BRD10: variants seen among roughly 807,000 people sequenced by gnomAD.
The protein encoded by BRD10 is bromodomain containing 10, also known as uncharacterized bromodomain-containing protein 10.
the BRD10 span, among the ~76,000 whole-genome samples, chr9:5,946,435 G>A: frequency 2.6e-5 from 4 of 151,992 alleles, no homozygotes; most frequent in Admixed American, 6.6e-5. Flanking sequence ...AATGCTGATG[G>A]TCAAGCAGTG....
chr9:6,003,009 T>A, the BRD10 span, among the ~76,000 whole-genome samples: 3 of 152,100 alleles, frequency 2.0e-5, no homozygotes, highest in Non-Finnish European at 4.4e-5. Flanking sequence ...CTTACCCCAA[T>A]CCAAAAAATA....
chr9:5,943,840 A>C, the BRD10 span, among the ~76,000 whole-genome samples: 6 of 152,244 alleles, frequency 3.9e-5, no homozygotes, highest in East Asian at 1.2e-3. Flanking sequence ...TTACCATGAT[A>C]CTCTCAGGGT....
chr9:5,949,610 T>C, the BRD10 span, among the ~76,000 whole-genome samples: 189 of 152,280 alleles, frequency 1.2e-3, no homozygotes, highest in Non-Finnish European at 2.0e-3. Flanking sequence ...AAATCAATCA[T>C]GCATATGAAA....
chr9:5,995,265 T>C, the BRD10 span, among the ~76,000 whole-genome samples: 1 of 152,206 alleles, frequency 6.6e-6, no homozygotes, highest in East Asian at 1.9e-4. Context: ...CCATAACTTA[T>C]TTCAGAGAAA....
chr9:5,955,791 T>A, the BRD10 span, among the ~76,000 whole-genome samples: 1 of 152,204 alleles, frequency 6.6e-6, no homozygotes, highest in Admixed American at 6.5e-5. Context: ...CAGTACCTTA[T>A]AACAGAAGTA....
At chr9:5,883,284 C>G in the BRD10 span, among the ~76,000 whole-genome samples, 1 of 152,182 alleles carries the variant, frequency 6.6e-6, no homozygotes, top group African/African-American at 2.4e-5. Flanking sequence ...TTTGGAGAAC[C>G]TCTCTCTGTG....
the BRD10 span, among the ~76,000 whole-genome samples, chr9:5,914,425 T>G: frequency 8.5e-6 from 1 of 117,918 alleles, no homozygotes; most frequent in African/African-American, 3.4e-5. Flanking sequence ...TTTTTTTTTT[T>G]TTTTTTTTTT....
At chr9:5,922,915 G>A in the BRD10 span, 5 of 1,613,970 alleles carry the variant, frequency 3.1e-6, no homozygotes, top group Non-Finnish European at 3.4e-6. Context: ...TTCTACCTGT[G>A]GAAGGAGGCA....
At chr9:5,981,813 A>G in the BRD10 span, among the ~76,000 whole-genome samples, 2 of 152,226 alleles carry the variant, frequency 1.3e-5, no homozygotes, top group Non-Finnish European at 2.9e-5. Flanking sequence ...CATAGTTATT[A>G]TATAAGGCTT....
chr9:5,987,669 C>T, the BRD10 span, among the ~76,000 whole-genome samples: 2 of 152,104 alleles, frequency 1.3e-5, no homozygotes, highest in African/African-American at 4.8e-5. Context: ...TGCCTCTGAC[C>T]AGCATTAACA....
the BRD10 span, among the ~76,000 whole-genome samples, chr9:5,952,738 T>C: frequency 1.3e-5 from 2 of 152,162 alleles, no homozygotes; most frequent in South Asian, 2.1e-4. Flanking sequence ...GGCTGATGCT[T>C]TGAGGACTGA....
chr9:5,968,997 G>T, the BRD10 span: 1 of 1,609,566 alleles, frequency 6.2e-7, no homozygotes, highest in South Asian at 1.1e-5. Flanking sequence ...TCTTCCAATG[G>T]ATTAACTTCT....
the BRD10 span, among the ~76,000 whole-genome samples, chr9:5,898,709 G>C: frequency 1.3e-5 from 2 of 152,130 alleles, no homozygotes; most frequent in Admixed American, 1.3e-4. Flanking sequence ...TGCTGGTTCT[G>C]TTACTCCACT....
chr9:5,908,259 T>A, the BRD10 span, among the ~76,000 whole-genome samples: 1 of 152,238 alleles, frequency 6.6e-6, no homozygotes, highest in African/African-American at 2.4e-5. Flanking sequence ...GTTTTATATT[T>A]GGTAGTATCA....
the BRD10 span, chr9:5,933,648 G>T: frequency 5.2e-6 from 2 of 384,334 alleles, no homozygotes; most frequent in African/African-American, 2.1e-5. Flanking sequence ...ATAACTTAAG[G>T]AATCATAAAG....
the BRD10 span, chr9:6,008,358 C>CG: frequency 2.0e-6 from 2 of 979,616 alleles, no homozygotes; most frequent in Non-Finnish European, 2.4e-6. Context: ...CCCCGCTGGG[C>CG]GGTGAGGGGG....
At chr9:5,954,147 T>C in the BRD10 span, 2 of 1,004,134 alleles carry the variant, frequency 2.0e-6, no homozygotes, top group Non-Finnish European at 3.0e-6. Flanking sequence ...AGCACTTCAT[T>C]AACAAAAAAC....
At chr9:5,990,818 A>ATTTAG in the BRD10 span, among the ~76,000 whole-genome samples, 1 of 152,210 alleles carries the variant, frequency 6.6e-6, no homozygotes, top group Non-Finnish European at 1.5e-5. Flanking sequence ...CTAGCAGTCA[A>ATTTAG]TTTAGTAATA....
At chr9:5,920,181 A>T in the BRD10 span, 18 of 1,613,890 alleles carry the variant, frequency 1.1e-5, no homozygotes, top group South Asian at 1.8e-4. Context: ...TTCTGGGCAG[A>T]GTTATCTATT....
Sources: gnomAD v4.1 joint callset for allele counts (sites outside exome capture counted in the v4.1 genomes callset) on GRCh38, gnomAD v4.1.1 for gene constraint, MANE v1.5 for transcripts, NCBI Gene and HGNC (gene_info 2026-07-23, HGNC 2026-07-21) for gene names.